The following FGF23 variants were observed in gnomAD, a reference collection of about 807,000 sequenced individuals.
The protein encoded by FGF23 is phosphatonin.
A neutral mutation model predicts 9.0 loss-of-function variants in FGF23; 8 were observed. The observed-to-expected ratio is 0.89, with a 90% CI of 0.52 to 1.60. FGF23 has a LOEUF of 1.60. FGF23 is among the 40% of genes most tolerant of loss of function. The pLI, the probability that FGF23 is intolerant of heterozygous loss-of-function variation, is 0.00. For synonymous variants in FGF23, 118 were observed against 146.2 expected, an observed-to-expected ratio of 0.81 and a Z score of 1.39; for missense variants, 311 against 344.3, an observed-to-expected ratio of 0.90 and a Z score of 0.77.
chr12:4,374,176 G>A (rs1865093231), intron 1 of FGF23, among the ~76,000 whole-genome samples: 1 of 152,232 alleles, frequency 6.6e-6, no homozygotes. Context: ...GCCAAAGAGA[G>A]AAGTTAATTT....
rs947222205 is a variant in FGF23, at chr12:4,378,926, G to A, written c.211+446C>T. On this transcript the variant is annotated intron_variant, in intron 1 of 2. Transcript: ENST00000237837. ...CCCCAGATTTATCTATAACAATCTG[G>A]GTATGACCCAGGAATCTTTACAACC... is the stretch of plus-strand genomic sequence containing the variant. Among the ~76,000 whole-genome samples the A allele has an allele frequency of 6.6e-5, 10 of 152,216 alleles. No homozygotes were observed. In the East Asian group the frequency reaches 1.5e-3, roughly 24 times the overall value.
Position 4,368,908 on chromosome 12 carries a change from A to G in FGF23, c.*1435T>C. 4.5e-6 allele frequency: 1 copy of G among 223,352 alleles called. No homozygotes were observed. The highest frequency in any genetic ancestry group is 8.9e-6 in the Non-Finnish European group (1 of 111,832). The allele number at this position is 223,352 out of a possible 1,614,324, so 13.8% of individuals were successfully genotyped here. ...CTCTCATAACCAAAAAGAATAGATC[A>G]AAGTATAAGGTTAGTATGTGATGGC... On this transcript the variant is annotated 3_prime_UTR_variant, in exon 3 of 3. Transcript: ENST00000237837.
chr12:4,374,521 GC>G, intron 1 of FGF23, among the ~76,000 whole-genome samples: 1 of 151,924 alleles, frequency 6.6e-6, no homozygotes. Flanking sequence ...GTGTTGGTGG[GC>G]ACCTGTAGTC....
rs1395365065 is a variant in FGF23, at chr12:4,368,485, GAAGA to G, written c.*1854_*1857del. 1.6e-5 allele frequency: 3 copies of G among 182,680 alleles called. No homozygotes were observed. In the East Asian group the frequency reaches 2.7e-4, roughly 16 times the overall value. 11.3% of individuals were successfully genotyped at this position (182,680 alleles called of 1,614,324 possible). On this transcript the variant is annotated 3_prime_UTR_variant, in exon 3 of 3. Transcript: ENST00000237837. ...ATAAATTTTATTTTTATTTTAAACAGAAGAAAGGAAAAAGGGGTTACATTTTTAT... is the reference window on the plus strand; with the variant it reads ...ATAAATTTTATTTTTATTTTAAACAGAAGGAAAAAGGGGTTACATTTTTAT...
intron 2 of FGF23, among the ~76,000 whole-genome samples, chr12:4,371,187 G>A (rs1206816368): frequency 2.0e-5 from 3 of 152,186 alleles, no homozygotes; most frequent in Non-Finnish European, 4.4e-5. Context: ...ACATGAATGA[G>A]AGCACTGACG....
chr12:4,370,641 G>A lies in FGF23; in HGVS notation c.458C>T (p.Pro153Leu), dbSNP rs1865053647. The A allele has an allele frequency of 1.2e-6, 2 of 1,614,018 alleles. No individual in the cohort carries two copies. The highest frequency in any genetic ancestry group is 1.3e-5 in the African/African-American group (1 of 74,932). ...CCTCCGGGACAGGAACTGGGAGTACGGGGGTGGGTTCATGCCTGGCAGGAA... is the reference window on the plus strand; with the variant it reads ...CCTCCGGGACAGGAACTGGGAGTACAGGGGTGGGTTCATGCCTGGCAGGAA... ...RAFLPGMNPP[P>L]YSQFLSRRNE... is the part of the protein sequence containing the mutation. The change falls in exon 3 of 3, where the codon CCG becomes CTG. Residue 153 changes from proline to leucine, a missense_variant. Physicochemically the swap from Pro to Leu is moderately conservative, Grantham distance 98 (BLOSUM62 -3). Transcript: ENST00000237837.
At chr12:4,372,823 C>T (rs1591673210) in intron 1 of FGF23, 126 bp from the exon 2 acceptor site, 6 of 735,732 alleles carry the variant, frequency 8.2e-6, no homozygotes, top group South Asian at 5.7e-5. Context: ...AACTTCAGCA[C>T]TCTTAAATTC....
In FGF23 at chr12:4,370,222, G is replaced by T; in HGVS notation, c.*121C>A. The T allele has an allele frequency of 1.9e-6, 2 of 1,027,024 alleles. No individual in the cohort carries two copies. Among genetic ancestry groups the T allele is most frequent in the South Asian group, 1.4e-5 (1 of 73,112 alleles). 63.6% of individuals were successfully genotyped at this position (1,027,024 alleles called of 1,614,324 possible). A position where few individuals can be genotyped will look rare whatever the true frequency, so the allele number is the denominator to read the frequency against. On this transcript the variant is annotated 3_prime_UTR_variant, in exon 3 of 3. Coordinates refer to ENST00000237837, the MANE Select transcript of FGF23 (RefSeq NM_020638.3). The stretch of plus-strand genomic sequence containing the variant: ...CTCCTGTGGAAGGGACCCCAGAGAA[G>T]CAGCAAATTCCATACATGCCCCTGT...
Position 4,370,540 on chromosome 12 carries a change from G to A in FGF23, c.559C>T (p.Arg187Trp), listed in dbSNP as rs190841442. 2 of 1,613,190 alleles carry A rather than the reference G, an allele frequency of 1.2e-6. No individual in the cohort carries two copies. Among genetic ancestry groups the A allele is most frequent in the Non-Finnish European group, 1.7e-6 (2 of 1,179,434 alleles). The change falls in exon 3 of 3, where the codon CGG becomes TGG. Residue 187 changes from arginine (R) to tryptophan (W), a missense_variant. Arg to Trp is a moderately radical substitution (Grantham distance 101, BLOSUM62 -3). Transcript: ENST00000237837. ...GGCTTCAGCACGTTCAGGGGGTCCC[G>A]CTCCGAGTCGTCCTCGGCGCTCCGG... is the stretch of plus-strand genomic sequence containing the variant. ...HTRSAEDDSE[R>W]DPLNVLKPRA... is the part of the protein sequence containing the mutation.
At position 4,370,591 on chromosome 12, in the gene FGF23, T is replaced by C. The variant is rs750507167; in HGVS notation, c.508A>G (p.Asn170Asp). The change falls in exon 3 of 3, where the codon AAC becomes GAC. Residue 170 changes from asparagine (N) to aspartate (D), a missense_variant. Asn to Asp is a conservative substitution (Grantham distance 23). This residue lies in a region of FGF23 where 206 missense variants were observed against 219.2 expected (regional missense o/e 0.94). Coordinates refer to ENST00000237837, the MANE Select transcript of FGF23 (RefSeq NM_020638.3). ...RRNEIPLIHF[N>D]TPIPRRHTRS... ...GTGTGCCGCCGTGGTATGGGGGTGT[T>C]GAAGTGAATTAGGGGGATCTCGTTC... 9.3e-6 allele frequency: 15 copies of C among 1,613,614 alleles called. No homozygotes were observed. The South Asian group carries it at 1.5e-4, about 17-fold the overall frequency.
At chr12:4,372,035 A>T (rs1435251216) in intron 2 of FGF23, among the ~76,000 whole-genome samples, 1 of 151,632 alleles carries the variant, frequency 6.6e-6, no homozygotes, top group Non-Finnish European at 1.5e-5. Flanking sequence ...AGGGACATGG[A>T]TGAAATTGGA....
chr12:4,371,328 A>C (rs2120731701), intron 2 of FGF23, among the ~76,000 whole-genome samples: 1 of 152,340 alleles, frequency 6.6e-6, no homozygotes, highest in South Asian at 2.1e-4. Context: ...TCCACAAAGT[A>C]AGCAGTTTAC....
chr12:4,371,186 A>G (rs904534013), intron 2 of FGF23, among the ~76,000 whole-genome samples: 1 of 152,186 alleles, frequency 6.6e-6, no homozygotes, highest in Non-Finnish European at 1.5e-5. Context: ...AACATGAATG[A>G]GAGCACTGAC....
intron 1 of FGF23, among the ~76,000 whole-genome samples, chr12:4,376,126 C>T (rs1865113996): frequency 6.6e-6 from 1 of 152,084 alleles, no homozygotes; most frequent in Non-Finnish European, 1.5e-5. Flanking sequence ...CTTGCTGTTT[C>T]CATATAATAA....
At position 4,379,629 on chromosome 12, in the gene FGF23, C is replaced by A. The variant is rs1230611387; in HGVS notation, c.-47G>T. On this transcript the variant is annotated 5_prime_UTR_variant, in exon 1 of 3. Transcript: ENST00000237837. ...GGTGCTGAGATTGAAACCTGACACT[C>A]CTGTCGGGACTCTCCTGGCCCAGGC... The A allele has an allele frequency of 4.1e-6, 6 of 1,480,352 alleles. No homozygotes were observed. The South Asian group carries it at 7.1e-5, about 18-fold the overall frequency. 91.7% of individuals were successfully genotyped at this position (1,480,352 alleles called of 1,614,324 possible).
At chr12:4,373,260 A>C (rs1049758700) in intron 1 of FGF23, among the ~76,000 whole-genome samples, 1 of 152,164 alleles carries the variant, frequency 6.6e-6, no homozygotes. Flanking sequence ...CTCACTCTTC[A>C]AGACCAGGCT....
In FGF23 at chr12:4,378,098, C is replaced by G. The variant is rs577109608; in HGVS notation, c.211+1274G>C. Among the ~76,000 whole-genome samples, 8 of 152,248 alleles carry G rather than the reference C, an allele frequency of 5.3e-5. No homozygotes were observed. In the South Asian group the frequency reaches 1.7e-3, roughly 32 times the overall value. ...AGAGAACTTTCCTCTCTCCTTTTAT[C>G]TCCTGTCAATATGCATTTAGTACTT... is the stretch of plus-strand genomic sequence containing the variant. On this transcript the variant is annotated intron_variant, in intron 1 of 2. Transcript: ENST00000237837.
In FGF23 at chr12:4,379,418, G is replaced by C. The variant is rs762106285; in HGVS notation, c.165C>G (p.Ile55Met). 6.2e-7 allele frequency: 1 copy of C among 1,613,380 alleles called. No individual in the cohort carries two copies. Among genetic ancestry groups the C allele is most frequent in the East Asian group, 2.2e-5 (1 of 44,872 alleles). Residue 55 changes from isoleucine to methionine, a missense_variant, in exon 1 of 3, where the codon ATC becomes ATG. This residue lies in a region of FGF23 where 102 missense variants were observed against 108.2 expected (regional missense o/e 0.94). Coordinates refer to ENST00000237837, the MANE Select transcript of FGF23 (RefSeq NM_020638.3). ...ATARNSYHLQ[I>M]HKNGHVDGAP... ...CGCCATCCACATGGCCATTCTTGTG[G>C]ATCTGCAGGTGGTAGCTGTTCCTGG...
chr12:4,370,545 G>A lies in FGF23; in HGVS notation c.554C>T (p.Ser185Leu), dbSNP rs780315628. ...CAGCACGTTCAGGGGGTCCCGCTCC[G>A]AGTCGTCCTCGGCGCTCCGGGTGTG... ...RRHTRSAEDDSERDPLNVLKP... is the reference protein window; with the variant it reads ...RRHTRSAEDDLERDPLNVLKP... Residue 185 changes from serine (S) to leucine (L), a missense_variant, in exon 3 of 3, where the codon TCG (serine) becomes TTG (leucine). Physicochemically the swap from Ser to Leu is moderately radical, Grantham distance 145. Transcript: ENST00000237837. The A allele has an allele frequency of 6.8e-6, 11 of 1,613,352 alleles. No individual in the cohort carries two copies. The highest frequency in any genetic ancestry group is 1.3e-5 in the African/African-American group (1 of 74,836).
Sources: gnomAD v4.1 joint callset for allele counts (sites outside exome capture counted in the v4.1 genomes callset) on GRCh38, gnomAD v4.1.1 for gene constraint, gnomAD v4.1.1 regional missense constraint, MANE v1.5 for transcripts, NCBI Gene and HGNC (gene_info 2026-07-23, HGNC 2026-07-21) for gene names.